MAGI3: variants seen among roughly 807,000 people sequenced by gnomAD.
MAGI3 encodes membrane-associated guanylate kinase, WW and PDZ domain-containing protein 3.
A neutral mutation model predicts 121.8 loss-of-function variants in MAGI3; 43 were observed. That is an observed-to-expected ratio of 0.35 (90% CI 0.28 to 0.46). The LOEUF is 0.46. MAGI3 is among the 20% of genes least tolerant of loss of function. The probability of loss-of-function intolerance (pLI) is 1.00; values close to 1 mark genes in which losing one functional copy is unlikely to be tolerated. For missense variants in MAGI3, 1,547 were observed against 1,797.3 expected (o/e 0.86, Z 2.52); for synonymous variants, 553 against 639.3 (o/e 0.86, Z 2.04).
Position 113,536,199 on chromosome 1 carries a change from G to A in MAGI3, c.317-13316G>A, listed in dbSNP as rs7419216. Among the ~76,000 whole-genome samples the A allele has an allele frequency of 4.2e-4, 63 of 151,288 alleles. 1 individual carries two copies. In the East Asian group the frequency reaches 0.01, roughly 25 times the overall value. On this transcript the variant is annotated intron_variant, in intron 1 of 20. Coordinates refer to ENST00000307546, the MANE Select transcript of MAGI3 (RefSeq NM_001142782.2). Reference sequence around the variant, plus strand: ...AGACAGTATGAATCTAACTGTTAGGGATATAATCAAATTTCTACTTCTAAT... The same window carrying A: ...AGACAGTATGAATCTAACTGTTAGGAATATAATCAAATTTCTACTTCTAAT...
intron 1 of MAGI3, among the ~76,000 whole-genome samples, chr1:113,480,929 A>G (rs1488258360): frequency 6.6e-6 from 1 of 152,194 alleles, no homozygotes; most frequent in Non-Finnish European, 1.5e-5. Flanking sequence ...TTTTATTTGA[A>G]TTTGGAAGGA....
intron 6 of MAGI3, among the ~76,000 whole-genome samples, chr1:113,600,911 C>T (rs537246053): frequency 8.5e-5 from 13 of 152,146 alleles, no homozygotes; most frequent in Non-Finnish European, 1.5e-4. Context: ...TCAGAAATAG[C>T]GCCGCCTATC....
intron 13 of MAGI3, 111 bp from the exon 14 acceptor site, chr1:113,650,903 A>G (rs1171903649): frequency 3.3e-6 from 3 of 914,730 alleles, no homozygotes; most frequent in Admixed American, 2.8e-5. Context: ...AACTGTTTTC[A>G]TAGTTGAACT....
intron 1 of MAGI3, among the ~76,000 whole-genome samples, chr1:113,430,837 C>CA (rs1268973317): frequency 1.3e-5 from 2 of 152,176 alleles, no homozygotes; most frequent in Non-Finnish European, 2.9e-5. Flanking sequence ...AGGACATGTT[C>CA]AAAAGCTTCA....
chr1:113,632,881 GT>G (rs1342411043), intron 9 of MAGI3, among the ~76,000 whole-genome samples: 1 of 146,614 alleles, frequency 6.8e-6, no homozygotes, highest in Non-Finnish European at 1.5e-5. Context: ...AATGGCTTTT[GT>G]TTTGTTTAGT....
chr1:113,393,486 A>G (rs1650933791), intron 1 of MAGI3, among the ~76,000 whole-genome samples: 1 of 152,190 alleles, frequency 6.6e-6, no homozygotes, highest in South Asian at 2.1e-4. Context: ...TAAAATTTTT[A>G]ATCTCTTTTA....
At chr1:113,672,880 C>A in intron 18 of MAGI3, 139 bp downstream of exon 18, 1 of 1,151,790 alleles carries the variant, frequency 8.7e-7, no homozygotes, top group Non-Finnish European at 1.2e-6. Context: ...ATGTGTTTGG[C>A]ATTCTGCTGG....
At position 113,685,270 on chromosome 1, in the gene MAGI3, C is replaced by T. The variant is rs1648477227; in HGVS notation, c.*1256C>T. The T allele has an allele frequency of 6.6e-6, 1 of 152,390 alleles. No homozygotes were observed. Among genetic ancestry groups the T allele is most frequent in the Admixed American group, 6.5e-5 (1 of 15,286 alleles). 9.4% of individuals were successfully genotyped at this position (152,390 alleles called of 1,614,324 possible). On this transcript the variant is annotated 3_prime_UTR_variant, in exon 21 of 21. Coordinates refer to ENST00000307546, the MANE Select transcript of MAGI3 (RefSeq NM_001142782.2). Reference sequence around the variant, plus strand: ...CTTAGAAGTTGGAGACTGTTAACAACTTCCATAAAATAGATCCAGGTTTTT... The same window carrying T: ...CTTAGAAGTTGGAGACTGTTAACAATTTCCATAAAATAGATCCAGGTTTTT...
At chr1:113,657,464 G>A (rs1016726054) in intron 15 of MAGI3, among the ~76,000 whole-genome samples, 6 of 152,098 alleles carry the variant, frequency 3.9e-5, no homozygotes, top group Non-Finnish European at 5.9e-5. Context: ...CACATTGCTC[G>A]CAGACTGAGA....
At chr1:113,591,026 G>A (rs1346957543) in intron 5 of MAGI3, among the ~76,000 whole-genome samples, 1 of 152,056 alleles carries the variant, frequency 6.6e-6, no homozygotes, top group African/African-American at 2.4e-5. Context: ...ATGAGTAGGA[G>A]CATATTATTA....
intron 1 of MAGI3, among the ~76,000 whole-genome samples, chr1:113,543,701 C>G (rs12136296): frequency 6.6e-6 from 1 of 151,994 alleles, no homozygotes; most frequent in South Asian, 2.1e-4. Context: ...AACACTGTCT[C>G]TACCAAAAAT....
intron 1 of MAGI3, among the ~76,000 whole-genome samples, chr1:113,473,155 T>G (rs1655626776): frequency 6.6e-6 from 1 of 152,216 alleles, no homozygotes; most frequent in African/African-American, 2.4e-5. Flanking sequence ...TCCCTCAGCT[T>G]TTGTTTTTCT....
At chr1:113,393,779 C>G (rs1011822528) in intron 1 of MAGI3, among the ~76,000 whole-genome samples, 1 of 152,098 alleles carries the variant, frequency 6.6e-6, no homozygotes, top group Non-Finnish European at 1.5e-5. Context: ...AGAAACTTGC[C>G]ATAAACATTG....
intron 1 of MAGI3, among the ~76,000 whole-genome samples, chr1:113,497,018 G>T (rs1456079914): frequency 1.3e-5 from 2 of 152,198 alleles, no homozygotes; most frequent in African/African-American, 4.8e-5. Context: ...AGCACTTTGG[G>T]AGGCAAAGGC....
In MAGI3 at chr1:113,683,633, GA is replaced by G. The variant is rs1278102315; in HGVS notation, c.4072del (p.Ile1358SerfsTer13). ...AAAAAAGCAGAACAAGGTCTCCAGA[GA>G]AAAAAATCAAAAGAATGGTTGAGAA... ...LEKSRTRSPE[K>X]KIKRMVEKSL... On this transcript the variant is annotated frameshift_variant, in exon 21 of 21. Coordinates refer to ENST00000307546, the MANE Select transcript of MAGI3 (RefSeq NM_001142782.2). LOFTEE classifies it low-confidence loss of function (END_TRUNC). 1 of 1,611,788 alleles carries G rather than the reference GA, an allele frequency of 6.2e-7. No individual in the cohort carries two copies. Among genetic ancestry groups the G allele is most frequent in the African/African-American group, 1.3e-5 (1 of 74,660 alleles).
chr1:113,539,605 C>T (rs907943837), intron 1 of MAGI3, among the ~76,000 whole-genome samples: 1 of 151,820 alleles, frequency 6.6e-6, no homozygotes, highest in East Asian at 1.9e-4. Flanking sequence ...AGGTTAGTTA[C>T]ATATGTATAC....
At chr1:113,490,847 C>T (rs930694500) in intron 1 of MAGI3, among the ~76,000 whole-genome samples, 7 of 152,074 alleles carry the variant, frequency 4.6e-5, no homozygotes, top group Admixed American at 6.6e-5. Flanking sequence ...CCTAAATATA[C>T]GTATATACAC....
rs543854304 is a variant in MAGI3 at position 113,609,139 on chromosome 1, T to A, written c.1019-5462T>A. 2.0e-5 allele frequency among the ~76,000 whole-genome samples: 3 copies of A among 152,312 alleles called. No individual in the cohort carries two copies. In the East Asian group the frequency reaches 5.8e-4, roughly 29 times the overall value. On this transcript the variant is annotated intron_variant, in intron 6 of 20. Transcript: ENST00000307546. ...TTTATGCTCAGCCAGCCTTTTCCAC[T>A]TTCCTCTCTACACTTTGTCTCCCCA... is the stretch of plus-strand genomic sequence containing the variant.
At position 113,391,356 on chromosome 1, in the gene MAGI3, C is replaced by G. The variant is rs1406141290; in HGVS notation, c.316+7C>G. The stretch of plus-strand genomic sequence containing the variant: ...CTCAAGACTGTGAAACCAGGTACGC[C>G]GGCCCTGCGTATCTGTCTCGGGGTG... On this transcript the variant is annotated splice_region_variant and intron_variant, in intron 1 of 20. Transcript: ENST00000307546. The surrounding 1 kb of genome is among the most constrained non-coding windows in gnomAD (Gnocchi z 4.4). 1.3e-6 allele frequency: 2 copies of G among 1,584,556 alleles called. No individual in the cohort carries two copies. Among genetic ancestry groups the G allele is most frequent in the East Asian group, 4.7e-5 (2 of 42,698 alleles).
Sources: gnomAD v4.1 joint callset for allele counts (sites outside exome capture counted in the v4.1 genomes callset) on GRCh38, gnomAD v4.1.1 for gene constraint, Gnocchi (gnomAD v3.1) non-coding constraint, MANE v1.5 for transcripts, NCBI Gene and HGNC (gene_info 2026-07-23, HGNC 2026-07-21) for gene names.